Variants in ACVR2B observed in about 807,000 individuals in gnomAD.
ACVR2B encodes activin A receptor type 2B, also known as activin receptor type-2B.
A neutral mutation model predicts 65.1 loss-of-function variants in ACVR2B; 18 were observed. That is an observed-to-expected ratio of 0.28 (90% CI 0.19 to 0.41). The LOEUF (loss-of-function observed/expected upper bound fraction) is 0.41. Among genes scored for constraint, ACVR2B ranks in the 10% least tolerant of loss-of-function variants. The probability of loss-of-function intolerance (pLI) is 1.00; values close to 1 mark genes in which losing one functional copy is unlikely to be tolerated. For synonymous variants in ACVR2B, 298 were observed against 277.7 expected (o/e 1.07, Z -0.73); for missense variants, 482 against 682.7 (o/e 0.71, Z 3.28).
Position 38,479,258 on chromosome 3 carries a change from C to T in ACVR2B, c.797C>T (p.Ala266Val). 2 of 1,614,126 alleles carry T rather than the reference C, an allele frequency of 1.2e-6. No homozygotes were observed. The highest frequency in any genetic ancestry group is 1.7e-6 in the Non-Finnish European group (2 of 1,180,018). ...NLEVELWLIT[A>V]FHDKGSLTDY... is the part of the protein sequence containing the mutation. ...GAAGTAGAGCTGTGGCTCATCACGGCCTTCCATGACAAGGTGAGCCACACC... is the reference window on the plus strand; with the variant it reads ...GAAGTAGAGCTGTGGCTCATCACGGTCTTCCATGACAAGGTGAGCCACACC... The change falls in exon 6 of 11, where the codon GCC becomes GTC. Residue 266 changes from alanine (A) to valine (V), a missense_variant. Transcript: ENST00000352511.
chr3:38,491,372 C>T lies in ACVR2B; in HGVS notation c.*8040C>T, dbSNP rs796762125. ...ACCTGCTGTTCCGCAGACCATGGGACACAAGGTCAGTGTGTTCCCAGTGAG... is the reference window on the plus strand; with the variant it reads ...ACCTGCTGTTCCGCAGACCATGGGATACAAGGTCAGTGTGTTCCCAGTGAG... On this transcript the variant is annotated 3_prime_UTR_variant, in exon 11 of 11. Transcript: ENST00000352511. The T allele has an allele frequency of 3.3e-5, 5 of 152,794 alleles. No homozygotes were observed. Among genetic ancestry groups the T allele is most frequent in the African/African-American group, 1.2e-4 (5 of 41,572 alleles). 9.5% of individuals were successfully genotyped at this position (152,794 alleles called of 1,614,324 possible).
chr3:38,454,454 A>T, intron 1 of ACVR2B, 80 bp downstream of exon 1: 1 of 1,162,372 alleles, frequency 8.6e-7, no homozygotes. Context: ...TTACCAACAA[A>T]GGGCGGGCCC....
chr3:38,471,313 C>T (rs139890134), intron 1 of ACVR2B, among the ~76,000 whole-genome samples: 2 of 152,332 alleles, frequency 1.3e-5, no homozygotes, highest in East Asian at 1.9e-4. Flanking sequence ...TGATCAGTCT[C>T]ACAAGTAATC....
chr3:38,475,355 GCTGA>G (rs1372085883), intron 1 of ACVR2B: 1 of 152,272 alleles, frequency 6.6e-6, no homozygotes, highest in African/African-American at 2.4e-5. Flanking sequence ...CTGAGTCCCA[GCTGA>G]CTGACTGGTC....
rs1710171451 is a variant in ACVR2B at position 38,489,185 on chromosome 3, A to C, written c.*5853A>C. On this transcript the variant is annotated 3_prime_UTR_variant, in exon 11 of 11. Coordinates refer to ENST00000352511, the MANE Select transcript of ACVR2B (RefSeq NM_001106.4). ...ATCATGTTTGCGTCAGAATGTTAGC[A>C]TTGTAAATAAAAGAATAGGTTGTAT... 2.0e-5 allele frequency: 3 copies of C among 152,632 alleles called. No individual in the cohort carries two copies. Among genetic ancestry groups the C allele is most frequent in the Admixed American group, 2.0e-4 (3 of 15,280 alleles). 9.5% of individuals were successfully genotyped at this position (152,632 alleles called of 1,614,324 possible). A position where few individuals can be genotyped will look rare whatever the true frequency, so the allele number is the denominator to read the frequency against.
intron 7 of ACVR2B, among the ~76,000 whole-genome samples, chr3:38,480,632 G>A (rs1200776892): frequency 6.6e-6 from 1 of 152,170 alleles, no homozygotes; most frequent in Non-Finnish European, 1.5e-5. Flanking sequence ...GGTCCCTGAT[G>A]GTAATAACAG....
intron 1 of ACVR2B, among the ~76,000 whole-genome samples, chr3:38,457,075 A>G (rs1339760318): frequency 6.6e-6 from 1 of 152,126 alleles, no homozygotes; most frequent in African/African-American, 2.4e-5. Context: ...GTGGTGGCAC[A>G]CGCCTGTAGT....
In ACVR2B at chr3:38,490,979, A is replaced by G. The variant is rs554176995; in HGVS notation, c.*7647A>G. The G allele has an allele frequency of 6.5e-6, 1 of 152,760 alleles. No individual in the cohort carries two copies. Among genetic ancestry groups the G allele is most frequent in the Non-Finnish European group, 1.5e-5 (1 of 68,036 alleles). The allele number at this position is 152,760 out of a possible 1,614,324, so 9.5% of individuals were successfully genotyped here. ...TTTAATTGGCTGGTCTTGCACGCAA[A>G]TTAGTTCCAAAGATAAGCTCTTTGT... On this transcript the variant is annotated 3_prime_UTR_variant, in exon 11 of 11. Transcript: ENST00000352511.
intron 1 of ACVR2B, among the ~76,000 whole-genome samples, chr3:38,461,376 CAA>C (rs1401770029): frequency 2.6e-5 from 4 of 152,202 alleles, no homozygotes; most frequent in Non-Finnish European, 5.9e-5. Context: ...AGGGCTCACA[CAA>C]GAGGTCCCGC....
At chr3:38,459,480 G>A in intron 1 of ACVR2B, 2 of 532,396 alleles carry the variant, frequency 3.8e-6, no homozygotes, top group Non-Finnish European at 4.8e-6. Flanking sequence ...CTCTCTGCCT[G>A]CCCAGCAGCC....
chr3:38,463,167 C>T (rs1283818572), intron 1 of ACVR2B, among the ~76,000 whole-genome samples: 1 of 152,138 alleles, frequency 6.6e-6, no homozygotes, highest in Non-Finnish European at 1.5e-5. Flanking sequence ...TAGCACTGGA[C>T]TAGCCAGGAT....
In ACVR2B at chr3:38,481,548, A is replaced by T. The variant is rs140094697; in HGVS notation, c.1074+83A>T. On this transcript the variant is annotated intron_variant, in intron 8 of 10. Coordinates refer to ENST00000352511, the MANE Select transcript of ACVR2B (RefSeq NM_001106.4). The surrounding 1 kb of genome is among the most constrained non-coding windows in gnomAD (Gnocchi z 4.7). ...TTTTTGTGCTCAGCTGGGGAGGTGC[A>T]GGGATGAGGGTGACTGCATGCGTTC... 8.2e-6 allele frequency: 9 copies of T among 1,098,442 alleles called. No homozygotes were observed. Among genetic ancestry groups the T allele is most frequent in the Non-Finnish European group, 1.3e-5 (9 of 716,006 alleles). 68.0% of individuals were successfully genotyped at this position (1,098,442 alleles called of 1,614,324 possible).
In ACVR2B at chr3:38,482,162, T is replaced by A. The variant is rs1371174322; in HGVS notation, c.1075-36T>A. 4 of 1,613,694 alleles carry A rather than the reference T, an allele frequency of 2.5e-6. No individual in the cohort carries two copies. In the South Asian group the frequency reaches 4.4e-5, roughly 18 times the overall value. On this transcript the variant is annotated intron_variant, in intron 8 of 10. Coordinates refer to ENST00000352511, the MANE Select transcript of ACVR2B (RefSeq NM_001106.4). ...GTCCCAGCTGTGTGTGTATGGCCAG[T>A]CACTGTAAATCCTGCCCTCCTCTGT...
intron 6 of ACVR2B, 152 bp downstream of exon 6, chr3:38,479,423 A>AGGT: frequency 1.6e-6 from 2 of 1,274,404 alleles, no homozygotes; most frequent in South Asian, 1.2e-5. Flanking sequence ...CTCCTGCCAT[A>AGGT]GGTGTGGACA....
In ACVR2B at chr3:38,491,185, T is replaced by A. The variant is rs1393451844; in HGVS notation, c.*7853T>A. The stretch of plus-strand genomic sequence containing the variant: ...ATGTATTTTAAATAAATATATATAT[T>A]TTTTAAAGAGCCTTTTTTACCAGTT... On this transcript the variant is annotated 3_prime_UTR_variant, in exon 11 of 11. Coordinates refer to ENST00000352511, the MANE Select transcript of ACVR2B (RefSeq NM_001106.4). 6.6e-6 allele frequency: 1 copy of A among 152,278 alleles called. No homozygotes were observed. Among genetic ancestry groups the A allele is most frequent in the Admixed American group, 6.5e-5 (1 of 15,282 alleles). 9.4% of individuals were successfully genotyped at this position (152,278 alleles called of 1,614,324 possible). A position where few individuals can be genotyped will look rare whatever the true frequency, so the allele number is the denominator to read the frequency against.
chr3:38,461,591 C>G (rs1199007467), intron 1 of ACVR2B, among the ~76,000 whole-genome samples: 1 of 152,098 alleles, frequency 6.6e-6, no homozygotes, highest in Non-Finnish European at 1.5e-5. Flanking sequence ...TCCTATCTCC[C>G]CTGCCCTGAA....
chr3:38,481,276 C>T lies in ACVR2B; in HGVS notation c.960-75C>T. 3 of 1,278,124 alleles carry T rather than the reference C, an allele frequency of 2.3e-6. No individual in the cohort carries two copies. Among genetic ancestry groups the T allele is most frequent in the Non-Finnish European group, 3.4e-6 (3 of 876,122 alleles). The allele number at this position is 1,278,124 out of a possible 1,614,324, so 79.2% of individuals were successfully genotyped here. On this transcript the variant is annotated intron_variant, in intron 7 of 10. Transcript: ENST00000352511. The surrounding 1 kb of genome is among the most constrained non-coding windows in gnomAD (Gnocchi z 4.7). ...CTGGGGCCTGACTCTAGGGCACAGA[C>T]TCTAGTATCTTGGGAACCAAGGTGG...
intron 1 of ACVR2B, among the ~76,000 whole-genome samples, chr3:38,464,331 T>G (rs1709695936): frequency 6.6e-6 from 1 of 152,270 alleles, no homozygotes; most frequent in Admixed American, 6.5e-5. Flanking sequence ...TCCGTGTATG[T>G]GTGCAGGTTC....
chr3:38,476,738 G>C (rs905803011), intron 1 of ACVR2B: 3 of 170,548 alleles, frequency 1.8e-5, no homozygotes, highest in African/African-American at 7.1e-5. Context: ...AGACAGACAG[G>C]GGTGATTAAA....
Sources: gnomAD v4.1 joint callset for allele counts (sites outside exome capture counted in the v4.1 genomes callset) on GRCh38, gnomAD v4.1.1 for gene constraint, Gnocchi (gnomAD v3.1) non-coding constraint, MANE v1.5 for transcripts, NCBI Gene and HGNC (gene_info 2026-07-23, HGNC 2026-07-21) for gene names.